The following SLC12A1 variants were observed in gnomAD, a reference collection of about 807,000 sequenced individuals.
The protein encoded by SLC12A1 is solute carrier family 12 member 1, also known as Na-K-2Cl cotransporter.
Under a neutral mutation model 130.4 loss-of-function variants are expected in SLC12A1, and 89 were observed. The observed-to-expected ratio is 0.68, with a 90% CI of 0.58 to 0.81. The LOEUF (loss-of-function observed/expected upper bound fraction) is 0.81. Ranked by LOEUF, SLC12A1 falls within the 40% of genes least tolerant of loss-of-function variation. The pLI, the probability that SLC12A1 is intolerant of heterozygous loss-of-function variation, is 0.00. For missense variants in SLC12A1, 1,310 were observed against 1,336.4 expected (o/e 0.98, Z 0.31); for synonymous variants, 499 against 460.0 (o/e 1.08, Z -1.09).
intron 24 of SLC12A1, 61 bp from the exon 25 acceptor site, chr15:48,299,079 T>A (rs1289753893): frequency 7.0e-6 from 10 of 1,423,224 alleles, no homozygotes; most frequent in Non-Finnish European, 8.7e-6. Context: ...ACACCTGGAG[T>A]ATCTGTGAAA....
chr15:48,242,230 C>T (rs1265709745), intron 10 of SLC12A1, among the ~76,000 whole-genome samples: 1 of 152,154 alleles, frequency 6.6e-6, no homozygotes, highest in East Asian at 1.9e-4. Flanking sequence ...CACACCTCCT[C>T]CTGGTTGGGG....
intron 20 of SLC12A1, among the ~76,000 whole-genome samples, chr15:48,283,831 A>G (rs2042031297): frequency 6.6e-6 from 1 of 152,180 alleles, no homozygotes; most frequent in Admixed American, 6.5e-5. Context: ...AGGCAATAAG[A>G]TGAGGGCATC....
chr15:48,241,598 A>G lies in SLC12A1; in HGVS notation c.1299A>G (p.Val433=), dbSNP rs2041516693. The G allele has an allele frequency of 6.2e-7, 1 of 1,610,490 alleles. No homozygotes were observed. Among genetic ancestry groups the G allele is most frequent in the Admixed American group, 1.7e-5 (1 of 59,998 alleles). The stretch of plus-strand genomic sequence containing the variant: ...CCTACTTAGGGGTTGCAATTTGTGT[A>G]GGTAAGTGGTACGTCTCCAGTGTCA... ...TVAYLGVAIC[V]GACVVRDATG... is the part of the protein sequence containing the mutation. Residue 433 remains valine, a splice_region_variant and synonymous_variant, in exon 10 of 27, where the codon GTA becomes GTG. Coordinates refer to ENST00000380993, the MANE Select transcript of SLC12A1 (RefSeq NM_000338.3).
intron 5 of SLC12A1, 51 bp downstream of exon 5, chr15:48,226,622 A>T: frequency 9.0e-7 from 1 of 1,111,266 alleles, no homozygotes; most frequent in Non-Finnish European, 1.4e-6. Context: ...CGGGTAGGCG[A>T]ACAATTTTTT....
chr15:48,259,634 A>G (rs1296172983), intron 17 of SLC12A1, among the ~76,000 whole-genome samples: 1 of 152,214 alleles, frequency 6.6e-6, no homozygotes, highest in African/African-American at 2.4e-5. Context: ...TGTCTACAGA[A>G]ATATAAAAAG....
intron 24 of SLC12A1, among the ~76,000 whole-genome samples, chr15:48,296,749 A>G (rs1346253562): frequency 7.2e-5 from 11 of 152,344 alleles, no homozygotes; most frequent in Non-Finnish European, 7.4e-5. Flanking sequence ...GTCAATTAAA[A>G]GTACTTATAA....
chr15:48,216,278 T>C (rs1425563876), intron 2 of SLC12A1, among the ~76,000 whole-genome samples: 1 of 152,194 alleles, frequency 6.6e-6, no homozygotes, highest in Non-Finnish European at 1.5e-5. Context: ...TAGTGATAAA[T>C]TGAAGAACCA....
chr15:48,251,627 C>A lies in SLC12A1; in HGVS notation c.1799C>A (p.Ala600Glu). 6.2e-7 allele frequency: 1 copy of A among 1,613,402 alleles called. No individual in the cohort carries two copies. Residue 600 changes from alanine (A) to glutamate (E), a missense_variant, in exon 15 of 27, where the codon GCG becomes GAG. Physicochemically the swap from Ala to Glu is moderately radical, Grantham distance 107. Transcript: ENST00000380993. ...ATTTTGTTTTCAGGATGGAGACCTGCGTATGGAATTTACAACATGTGGGTA... is the reference window on the plus strand; with the variant it reads ...ATTTTGTTTTCAGGATGGAGACCTGAGTATGGAATTTACAACATGTGGGTA... Reference protein sequence around the residue: ...SYAKSPGWRPAYGIYNMWVSL... With the variant: ...SYAKSPGWRPEYGIYNMWVSL...
intron 12 of SLC12A1, 105 bp downstream of exon 12, chr15:48,247,121 C>A: frequency 9.3e-7 from 1 of 1,070,670 alleles, no homozygotes; most frequent in Non-Finnish European, 1.4e-6. Context: ...CCATCATTTT[C>A]TGAAACAGTT....
intron 17 of SLC12A1, among the ~76,000 whole-genome samples, chr15:48,262,354 G>A (rs187429888): frequency 1.3e-4 from 20 of 152,210 alleles, no homozygotes; most frequent in Admixed American, 1.0e-3. Flanking sequence ...TGATGTGGGT[G>A]GGTAGAGGGA....
rs935472543 is a variant in SLC12A1, at chr15:48,237,729, T to A, written c.1215+2725T>A. On this transcript the variant is annotated intron_variant, in intron 9 of 26. Coordinates refer to ENST00000380993, the MANE Select transcript of SLC12A1 (RefSeq NM_000338.3). ...TATATACAGAACTCAGGGGTCCTTT[T>A]AACTACAGACAATAGAGTTTGGATA... Among the ~76,000 whole-genome samples the A allele has an allele frequency of 1.3e-4, 20 of 152,346 alleles. No individual in the cohort carries two copies. In the East Asian group the frequency reaches 3.3e-3, roughly 25 times the overall value.
intron 14 of SLC12A1, among the ~76,000 whole-genome samples, chr15:48,249,912 A>T (rs1352103035): frequency 6.6e-6 from 1 of 152,238 alleles, no homozygotes; most frequent in Non-Finnish European, 1.5e-5. Context: ...CTGTGGCAAT[A>T]AATTATTCAT....
intron 21 of SLC12A1, among the ~76,000 whole-genome samples, chr15:48,287,300 A>G (rs2042069674): frequency 6.6e-6 from 1 of 151,978 alleles, no homozygotes; most frequent in Admixed American, 6.6e-5. Flanking sequence ...AATTGTAACT[A>G]TTTTATATAC....
intron 21 of SLC12A1, 79 bp from the exon 22 acceptor site, chr15:48,287,964 C>T: frequency 6.9e-7 from 1 of 1,445,232 alleles, no homozygotes; most frequent in Non-Finnish European, 9.3e-7. Flanking sequence ...TCTCTATTTT[C>T]ATCACTAGAT....
chr15:48,259,346 C>G, intron 17 of SLC12A1, 35 bp downstream of exon 17: 1 of 1,326,132 alleles, frequency 7.5e-7, no homozygotes, highest in Non-Finnish European at 1.1e-6. Flanking sequence ...AGTCCTTTTT[C>G]CTCCCTGCTT....
rs1597458984 is a variant in SLC12A1 at position 48,291,671 on chromosome 15, C to A, written c.2874-107C>A. ...AAAAAGCCTCTGTCTGAAAGCTAAG[C>A]TGAAATAAGACGTGATTGCTTTTGA... On this transcript the variant is annotated intron_variant, in intron 23 of 26. Transcript: ENST00000380993. 5.6e-6 allele frequency: 4 copies of A among 720,456 alleles called. No individual in the cohort carries two copies. In the East Asian group the frequency reaches 1.1e-4, roughly 20 times the overall value. 44.6% of individuals were successfully genotyped at this position (720,456 alleles called of 1,614,324 possible).
chr15:48,300,000 T>C (rs553232696), intron 25 of SLC12A1, among the ~76,000 whole-genome samples: 5 of 152,336 alleles, frequency 3.3e-5, no homozygotes, highest in Non-Finnish European at 7.3e-5. Flanking sequence ...AATCTCATTG[T>C]ACTTTAAGTA....
At chr15:48,228,609 CT>C in intron 5 of SLC12A1, 1 of 246,442 alleles carries the variant, frequency 4.1e-6, no homozygotes, top group Non-Finnish European at 8.5e-6. Flanking sequence ...ATCATGCCTT[CT>C]TTCACTAAAA....
chr15:48,260,416 A>G (rs979592981), intron 17 of SLC12A1, among the ~76,000 whole-genome samples: 5 of 151,536 alleles, frequency 3.3e-5, no homozygotes, highest in African/African-American at 1.2e-4. Flanking sequence ...ATGCATTTTT[A>G]TAGTACTTAA....
Sources: allele counts gnomAD v4.1 joint callset (sites outside exome capture counted in the v4.1 genomes callset), GRCh38; gene constraint gnomAD v4.1.1; transcripts MANE v1.5; gene names NCBI Gene and HGNC (gene_info 2026-07-23, HGNC 2026-07-21).